MSR1: variants seen among roughly 807,000 people sequenced by gnomAD.
MSR1 encodes the protein macrophage scavenger receptor 1.
Under a neutral mutation model 47.2 loss-of-function variants are expected in MSR1, and 53 were observed. That is an observed-to-expected ratio of 1.12 (90% CI 0.90 to 1.41). The LOEUF is 1.41. MSR1 is among the 40% of genes most tolerant of loss of function. The pLI, the probability that MSR1 is intolerant of heterozygous loss-of-function variation, is 0.00. For synonymous variants in MSR1, 239 were observed against 185.6 expected (o/e 1.29, Z -2.34); for missense variants, 786 against 546.9 (o/e 1.44, Z -4.36).
chr8:16,148,405 C>T (rs1202978494), intron 7 of MSR1, among the ~76,000 whole-genome samples: 1 of 152,076 alleles, frequency 6.6e-6, no homozygotes, highest in East Asian at 1.9e-4. Flanking sequence ...TAGGTAAACT[C>T]CTGTCCACAG....
intron 8 of MSR1, among the ~76,000 whole-genome samples, chr8:16,142,807 A>C (rs1049920033): frequency 6.6e-6 from 1 of 152,106 alleles, no homozygotes; most frequent in Non-Finnish European, 1.5e-5. Context: ...ACACACACAC[A>C]TCACATGTAG....
In MSR1 at chr8:16,143,453, G is replaced by A. The variant is rs35235842; in HGVS notation, c.1033+105C>T. 96 of 921,156 alleles carry A rather than the reference G, an allele frequency of 1.0e-4. 1 individual carries two copies. The East Asian group carries it at 2.3e-3, about 22-fold the overall frequency. 57.1% of individuals were successfully genotyped at this position (921,156 alleles called of 1,614,324 possible). ...GTTTGGCTTCCATAGAGTCTGTATG[G>A]ATCTGTGCTGAAGTTGCGAACATTT... On this transcript the variant is annotated intron_variant, in intron 8 of 9. Transcript: ENST00000262101.
chr8:16,122,961 C>T (rs1800039549), intron 8 of MSR1, among the ~76,000 whole-genome samples: 1 of 150,596 alleles, frequency 6.6e-6, no homozygotes, highest in African/African-American at 2.4e-5. Context: ...CCTCCTGCCT[C>T]AGCCTCCGGA....
At chr8:16,146,028 G>T (rs1055610089) in intron 7 of MSR1, among the ~76,000 whole-genome samples, 1 of 152,094 alleles carries the variant, frequency 6.6e-6, no homozygotes, top group Non-Finnish European at 1.5e-5. Flanking sequence ...GTAAGAGGGG[G>T]TGTCTTCAAT....
chr8:16,189,431 C>CTTATTTTATAA (rs1472474146), intron 1 of MSR1, among the ~76,000 whole-genome samples: 1 of 67,446 alleles, frequency 1.5e-5, no homozygotes, highest in Non-Finnish European at 2.3e-5. Context: ...TATATAAAAT[C>CTTATTTTATAA]ATATTTTATA....
intron 8 of MSR1, chr8:16,139,900 AT>A (rs780976836): frequency 7.3e-6 from 3 of 413,424 alleles, no homozygotes; most frequent in Admixed American, 1.3e-4. Flanking sequence ...AGGAATTAAA[AT>A]TTTTTTATCT....
rs775241562 is a variant in MSR1 at position 16,155,065 on chromosome 8, T to C, written c.897A>G (p.Ile299Met). Residue 299 changes from isoleucine (I) to methionine (M), a missense_variant and splice_region_variant, in exon 6 of 10, where the codon ATA becomes ATG. Ile to Met is a conservative substitution (Grantham distance 10). Coordinates refer to ENST00000262101, the MANE Select transcript of MSR1 (RefSeq NM_138715.3). ...ESGPRGFPGP[I>M]GPPGLKGDRG... The stretch of plus-strand genomic sequence containing the variant: ...ATTAAATAGCTAAAATTACCATACC[T>C]ATTGGACCTGGAAATCCTCGTGGAC... 1.2e-6 allele frequency: 2 copies of C among 1,610,190 alleles called. No homozygotes were observed. The highest frequency in any genetic ancestry group is 8.5e-7 in the Non-Finnish European group (1 of 1,176,960).
intron 3 of MSR1, among the ~76,000 whole-genome samples, chr8:16,170,321 C>T (rs992014711): frequency 1.3e-5 from 2 of 150,188 alleles, no homozygotes; most frequent in African/African-American, 4.9e-5. Context: ...GCACTCCAGC[C>T]TGGGCAACAG....
intron 1 of MSR1, among the ~76,000 whole-genome samples, chr8:16,189,826 C>G (rs866730092): frequency 3.9e-4 from 55 of 140,884 alleles, no homozygotes; most frequent in African/African-American, 1.3e-3. Context: ...AGCCATTTTT[C>G]TAAAATATAA....
chr8:16,113,264 T>A (rs62491231), intron 9 of MSR1, among the ~76,000 whole-genome samples: 4,345 of 132,396 alleles, frequency 0.033, 153 homozygotes, highest in East Asian at 0.14. Flanking sequence ...TCACCTCTTT[T>A]TAAAAAATGA....
intron 8 of MSR1, among the ~76,000 whole-genome samples, chr8:16,129,351 G>A (rs1800201397): frequency 6.6e-6 from 1 of 152,080 alleles, no homozygotes; most frequent in Non-Finnish European, 1.5e-5. Flanking sequence ...ACAGCATCCG[G>A]GAAAGGATTA....
In MSR1 at chr8:16,164,142, A is replaced by G; in HGVS notation, c.740T>C (p.Leu247Pro). Residue 247 changes from leucine to proline, a missense_variant, in exon 5 of 10, where the codon CTG becomes CCG. Coordinates refer to ENST00000262101, the MANE Select transcript of MSR1 (RefSeq NM_138715.3). The stretch of plus-strand genomic sequence containing the variant: ...TCTGAGATCATTAGTGATGTTATTC[A>G]GTACTTTCACTTCTCCTTTTATTTC... The part of the protein sequence containing the change: ...EQEIKGEVKV[L>P]NNITNDLRLK... 2 of 1,612,098 alleles carry G rather than the reference A, an allele frequency of 1.2e-6. No homozygotes were observed. Among genetic ancestry groups the G allele is most frequent in the Non-Finnish European group, 8.5e-7 (1 of 1,178,666 alleles).
chr8:16,188,072 G>T (rs771182830), intron 1 of MSR1, among the ~76,000 whole-genome samples: 25 of 152,106 alleles, frequency 1.6e-4, no homozygotes, highest in Non-Finnish European at 3.5e-4. Flanking sequence ...CCTATTAAAT[G>T]TCAGTGTGCT....
At chr8:16,115,468 TG>T (rs1686857075) in intron 9 of MSR1, among the ~76,000 whole-genome samples, 1 of 152,156 alleles carries the variant, frequency 6.6e-6, no homozygotes, top group Non-Finnish European at 1.5e-5. Context: ...TCGTTTGCCA[TG>T]TCTAATCCCC....
chr8:16,136,705 C>A (rs144838426), intron 8 of MSR1, among the ~76,000 whole-genome samples: 10,387 of 152,094 alleles, frequency 0.068, 420 homozygotes, highest in South Asian at 0.11. Flanking sequence ...TGGGTTCAAG[C>A]GATTCTCCTG....
intron 9 of MSR1, among the ~76,000 whole-genome samples, chr8:16,113,564 T>C (rs1424815753): frequency 1.3e-5 from 2 of 152,116 alleles, no homozygotes; most frequent in Non-Finnish European, 2.9e-5. Context: ...AGAAAAACAA[T>C]GTAAATTAAA....
At position 16,109,438 on chromosome 8, in the gene MSR1, A is replaced by G. The variant is rs372644566; in HGVS notation, c.*647T>C. ...AAATATACTGATGGTCAGTTTTCTC[A>G]TATGTCCTGCTTTCAATTTACTTCA... On this transcript the variant is annotated 3_prime_UTR_variant, in exon 10 of 10. Coordinates refer to ENST00000262101, the MANE Select transcript of MSR1 (RefSeq NM_138715.3). The G allele has an allele frequency of 3.3e-5, 5 of 152,422 alleles. No individual in the cohort carries two copies. Among genetic ancestry groups the G allele is most frequent in the African/African-American group, 1.2e-4 (5 of 41,412 alleles). 9.4% of individuals were successfully genotyped at this position (152,422 alleles called of 1,614,324 possible).
At chr8:16,146,639 T>C (rs1002987919) in intron 7 of MSR1, among the ~76,000 whole-genome samples, 1 of 152,120 alleles carries the variant, frequency 6.6e-6, no homozygotes, top group Non-Finnish European at 1.5e-5. Flanking sequence ...GTTTGCCTTT[T>C]TTCATGCTCT....
intron 8 of MSR1, chr8:16,141,081 T>A: frequency 1.2e-6 from 2 of 1,608,688 alleles, no homozygotes; most frequent in Non-Finnish European, 1.7e-6. Flanking sequence ...TAATTATTTT[T>A]AACATATTTT....
Sources: allele counts gnomAD v4.1 joint callset (sites outside exome capture counted in the v4.1 genomes callset), GRCh38; gene constraint gnomAD v4.1.1; transcripts MANE v1.5; gene names NCBI Gene and HGNC (gene_info 2026-07-23, HGNC 2026-07-21).